Variants in NBEA observed in about 807,000 individuals in gnomAD.
NBEA encodes lysosomal-trafficking regulator 2.
A neutral mutation model predicts 343.4 loss-of-function variants in NBEA; 44 were observed. That is an observed-to-expected ratio of 0.13 (90% CI 0.10 to 0.16). NBEA has a LOEUF of 0.16. Ranked by LOEUF, NBEA falls within the 10% of genes least tolerant of loss-of-function variation. The pLI, the probability that NBEA is intolerant of heterozygous loss-of-function variation, is 1.00. For missense variants in NBEA, 2,555 were observed against 3,631.3 expected (o/e 0.70, Z 7.62); for synonymous variants, 1,175 against 1,238.7 (o/e 0.95, Z 1.08).
intron 36 of NBEA, among the ~76,000 whole-genome samples, chr13:35,346,480 C>T (rs1328363887): frequency 6.6e-6 from 1 of 152,092 alleles, no homozygotes; most frequent in Non-Finnish European, 1.5e-5. Context: ...GTGATTAAGA[C>T]TGTATGTTTG....
intron 40 of NBEA, among the ~76,000 whole-genome samples, chr13:35,463,068 TAA>T (rs1192387145): frequency 6.6e-6 from 1 of 151,716 alleles, no homozygotes; most frequent in South Asian, 2.1e-4. Context: ...AGTAAGAAAA[TAA>T]AGAGAGAAGT....
At chr13:35,406,940 T>G (rs922497645) in intron 38 of NBEA, among the ~76,000 whole-genome samples, 3 of 111,370 alleles carry the variant, frequency 2.7e-5, no homozygotes, top group Admixed American at 8.2e-5. Context: ...TGTTTATGGG[T>G]TTTTTTTTCT....
At chr13:35,361,061 A>G (rs962854779) in intron 38 of NBEA, among the ~76,000 whole-genome samples, 2 of 152,072 alleles carry the variant, frequency 1.3e-5, no homozygotes, top group African/African-American at 4.8e-5. Context: ...TAGACACATC[A>G]TAATTAATCT....
intron 47 of NBEA, 69 bp downstream of exon 47, chr13:35,593,516 G>C: frequency 7.8e-7 from 1 of 1,290,004 alleles, no homozygotes; most frequent in African/African-American, 1.5e-5. Flanking sequence ...TTTTTAAGTG[G>C]GTATGTATAA....
intron 41 of NBEA, among the ~76,000 whole-genome samples, chr13:35,496,783 C>G (rs1340847561): frequency 6.6e-6 from 1 of 151,934 alleles, no homozygotes; most frequent in Non-Finnish European, 1.5e-5. Context: ...ACTGGAGCAG[C>G]TTGGTGTGCA....
At chr13:35,350,405 A>C (rs1399787454) in intron 37 of NBEA, among the ~76,000 whole-genome samples, 1 of 151,916 alleles carries the variant, frequency 6.6e-6, no homozygotes, top group East Asian at 1.9e-4. Context: ...TTATAATACC[A>C]CCCATAGGCT....
chr13:35,491,959 C>T (rs1365840859), intron 41 of NBEA, among the ~76,000 whole-genome samples: 18 of 151,892 alleles, frequency 1.2e-4, no homozygotes, highest in Admixed American at 5.3e-4. Flanking sequence ...TTTCCACATC[C>T]GTATCAATGG....
At chr13:35,154,326 A>C (rs2069003919) in intron 18 of NBEA, among the ~76,000 whole-genome samples, 1 of 152,258 alleles carries the variant, frequency 6.6e-6, no homozygotes, top group Non-Finnish European at 1.5e-5. Flanking sequence ...CTTCTACAAT[A>C]TAGCTATGTT....
At chr13:35,635,122 G>T (rs2083640686) in intron 49 of NBEA, among the ~76,000 whole-genome samples, 1 of 152,016 alleles carries the variant, frequency 6.6e-6, no homozygotes, top group African/African-American at 2.4e-5. Flanking sequence ...TAATTTAAGG[G>T]CCCATAATGA....
At position 35,071,502 on chromosome 13, in the gene NBEA, T is replaced by C. The variant is rs56381012; in HGVS notation, c.1571+650T>C. On this transcript the variant is annotated intron_variant, in intron 10 of 58. Coordinates refer to ENST00000379939, the MANE Select transcript of NBEA (RefSeq NM_001385012.1). ...TGCCAGACTCTAATTTAATGTTATA[T>C]CTTAGAATTATACATACAAGAATTT... Among the ~76,000 whole-genome samples, 1,089 of 152,192 alleles carry C rather than the reference T, an allele frequency of 7.2e-3. 22 individuals are homozygous for C. Among genetic ancestry groups the C allele is most frequent in the African/African-American group, 0.025 (1,029 of 41,580 alleles).
intron 52 of NBEA, among the ~76,000 whole-genome samples, chr13:35,650,147 C>CA (rs915000330): frequency 1.3e-5 from 2 of 151,982 alleles, no homozygotes; most frequent in African/African-American, 2.4e-5. Flanking sequence ...TGCCTAACTG[C>CA]AAAAAAATAC....
At chr13:35,346,452 A>G (rs1390331895) in intron 36 of NBEA, among the ~76,000 whole-genome samples, 2 of 152,020 alleles carry the variant, frequency 1.3e-5, no homozygotes, top group Admixed American at 6.6e-5. Context: ...AGCTTCTTTT[A>G]ATTTTCCATT....
intron 41 of NBEA, among the ~76,000 whole-genome samples, chr13:35,498,417 A>G (rs2076765202): frequency 6.6e-6 from 1 of 152,054 alleles, no homozygotes; most frequent in Non-Finnish European, 1.5e-5. Flanking sequence ...TTGATGACTG[A>G]TGGAATAAGC....
intron 41 of NBEA, among the ~76,000 whole-genome samples, chr13:35,539,713 G>A (rs968615059): frequency 4.6e-5 from 7 of 150,850 alleles, no homozygotes; most frequent in Non-Finnish European, 1.5e-5. Context: ...TCAGGAGATC[G>A]AGACCATCCT....
chr13:35,364,251 A>G (rs989903439), intron 38 of NBEA, among the ~76,000 whole-genome samples: 2 of 151,834 alleles, frequency 1.3e-5, no homozygotes, highest in Non-Finnish European at 2.9e-5. Flanking sequence ...CAACCCATAT[A>G]CACAAATAGT....
intron 40 of NBEA, 85 bp from the exon 41 acceptor site, chr13:35,472,315 C>A: frequency 2.0e-6 from 3 of 1,467,502 alleles, no homozygotes; most frequent in South Asian, 1.3e-5. Context: ...GCATCCTTAC[C>A]AATAAAAACC....
At chr13:35,000,037 A>G (rs1406969133) in intron 1 of NBEA, among the ~76,000 whole-genome samples, 1 of 152,100 alleles carries the variant, frequency 6.6e-6, no homozygotes, top group Admixed American at 6.6e-5. Flanking sequence ...CTGCAGCAAA[A>G]TTGGGTACAG....
intron 1 of NBEA, among the ~76,000 whole-genome samples, chr13:35,021,553 G>A (rs775477735): frequency 1.3e-5 from 2 of 151,442 alleles, no homozygotes; most frequent in African/African-American, 2.4e-5. Flanking sequence ...CCTATTTTAT[G>A]TCTGGTTTTG....
At chr13:34,997,221 C>T (rs1369901746) in intron 1 of NBEA, among the ~76,000 whole-genome samples, 2 of 152,162 alleles carry the variant, frequency 1.3e-5, no homozygotes, top group South Asian at 2.1e-4. Context: ...TTTCACCTAG[C>T]TCATGTAGTT....
Sources: gnomAD v4.1 joint callset for allele counts (sites outside exome capture counted in the v4.1 genomes callset) on GRCh38, gnomAD v4.1.1 for gene constraint, MANE v1.5 for transcripts, NCBI Gene and HGNC (gene_info 2026-07-23, HGNC 2026-07-21) for gene names.